Variants in PRIM2 observed in about 807,000 individuals in gnomAD.
The protein encoded by PRIM2 is DNA primase large subunit.
Under a neutral mutation model 67.3 loss-of-function variants are expected in PRIM2, and 39 were observed. The ratio of observed to expected loss-of-function variants is 0.58; its 90% CI spans 0.45 to 0.76. The LOEUF is 0.76. Ranked by LOEUF, PRIM2 falls within the 30% of genes least tolerant of loss-of-function variation. The probability of loss-of-function intolerance (pLI) is 0.00; values close to 1 mark genes in which losing one functional copy is unlikely to be tolerated. For synonymous variants in PRIM2, 143 were observed against 198.7 expected (o/e 0.72, Z 2.36); for missense variants, 398 against 598.7 (o/e 0.66, Z 3.50).
At chr6:57,274,983 C>T in the PRIM2 span, among the ~76,000 whole-genome samples, 1 of 145,894 alleles carries the variant, frequency 6.9e-6, no homozygotes, top group African/African-American at 2.6e-5. Context: ...GACGGGGTTT[C>T]ACCACGCTAG....
chr6:57,587,125 T>G (rs1369648165), intron 10 of PRIM2: 1 of 152,234 alleles, frequency 6.6e-6, no homozygotes, highest in Non-Finnish European at 1.5e-5. Context: ...TGTGGTCTTT[T>G]CTTGCCATTG....
intron 11 of PRIM2, among the ~76,000 whole-genome samples, chr6:57,604,003 T>G (rs1776518626): frequency 6.6e-6 from 1 of 152,312 alleles, no homozygotes; most frequent in Admixed American, 6.5e-5. Context: ...TGTTGGTATG[T>G]AGAAATGCTA....
chr6:57,388,703 TG>T (rs905577066), intron 7 of PRIM2, among the ~76,000 whole-genome samples: 8 of 152,174 alleles, frequency 5.3e-5, no homozygotes, highest in Non-Finnish European at 1.2e-4. Context: ...CCTAGAATTT[TG>T]GCTTGAATAA....
At chr6:57,252,355 T>A in the PRIM2 span, among the ~76,000 whole-genome samples, 10 of 152,336 alleles carry the variant, frequency 6.6e-5, no homozygotes, top group South Asian at 6.2e-4. Flanking sequence ...AACAAGCCTA[T>A]GAGATAGTTA....
the PRIM2 span, among the ~76,000 whole-genome samples, chr6:57,273,937 C>T: frequency 6.6e-6 from 1 of 152,188 alleles, no homozygotes; most frequent in African/African-American, 2.4e-5. Flanking sequence ...GGCTGCAGAA[C>T]AGCGGATATT....
At chr6:57,260,930 G>T in the PRIM2 span, among the ~76,000 whole-genome samples, 3 of 152,170 alleles carry the variant, frequency 2.0e-5, no homozygotes, top group African/African-American at 7.2e-5. Context: ...GGGTATGAAG[G>T]GCAAGCCAGG....
At chr6:57,341,880 T>G (rs1768504517) in intron 5 of PRIM2, among the ~76,000 whole-genome samples, 2 of 152,174 alleles carry the variant, frequency 1.3e-5, no homozygotes, top group South Asian at 2.1e-4. Context: ...GAAGCTGGAT[T>G]GTTGGCACAC....
intron 3 of PRIM2, among the ~76,000 whole-genome samples, chr6:57,322,893 G>A (rs1369099216): frequency 2.0e-5 from 3 of 152,144 alleles, no homozygotes; most frequent in African/African-American, 7.2e-5. Flanking sequence ...TGCTATAGTA[G>A]GGGTCTTGGG....
the PRIM2 span, among the ~76,000 whole-genome samples, chr6:57,302,799 G>A: frequency 6.6e-6 from 1 of 152,120 alleles, no homozygotes; most frequent in Non-Finnish European, 1.5e-5. Flanking sequence ...GACTGTTGAA[G>A]CAGAAAGTAA....
chr6:57,238,172 A>G, the PRIM2 span, among the ~76,000 whole-genome samples: 2 of 152,222 alleles, frequency 1.3e-5, no homozygotes, highest in Non-Finnish European at 2.9e-5. Context: ...AAAGTTAACA[A>G]GGATATCCAG....
the PRIM2 span, among the ~76,000 whole-genome samples, chr6:57,227,641 C>CAAAAAAAAAAAAAAAA: frequency 1.2e-5 from 1 of 84,080 alleles, no homozygotes; most frequent in Non-Finnish European, 2.3e-5. Flanking sequence ...GAGACCATCT[C>CAAAAAAAAAAAAAAAA]AAAAAAAAAA....
intron 12 of PRIM2, among the ~76,000 whole-genome samples, chr6:57,608,566 C>G (rs1776602607): frequency 6.6e-6 from 1 of 151,812 alleles, no homozygotes; most frequent in Non-Finnish European, 1.5e-5. Context: ...AAACCTGTCT[C>G]TACAAAAAAT....
chr6:57,384,024 T>G lies in PRIM2; in HGVS notation c.693+1856T>G, dbSNP rs541979182. ...GCTCATAAAAGTGAGAAGTCTAGAT[T>G]ATAGTATGGACTTCAGACATAGCTT... is the stretch of plus-strand genomic sequence containing the variant. On this transcript the variant is annotated intron_variant, in intron 7 of 13. Transcript: ENST00000615550. Among the ~76,000 whole-genome samples the G allele has an allele frequency of 2.9e-3, 440 of 152,308 alleles. 2 individuals are homozygous for G. The highest frequency in any genetic ancestry group is 0.01 in the African/African-American group (423 of 41,574).
chr6:57,601,657 C>T (rs1776469879), intron 11 of PRIM2, among the ~76,000 whole-genome samples: 3 of 152,126 alleles, frequency 2.0e-5, no homozygotes, highest in African/African-American at 7.2e-5. Context: ...TCACCATCAT[C>T]TGATTAACCA....
At chr6:57,341,679 A>G (rs1768496432) in intron 5 of PRIM2, among the ~76,000 whole-genome samples, 1 of 152,256 alleles carries the variant, frequency 6.6e-6, no homozygotes, top group Non-Finnish European at 1.5e-5. Context: ...GAAAACTGCT[A>G]TAGCTAGTCA....
chr6:57,442,611 G>A (rs1772235795), intron 7 of PRIM2, among the ~76,000 whole-genome samples: 1 of 151,730 alleles, frequency 6.6e-6, no homozygotes, highest in Admixed American at 6.6e-5. Context: ...GTATTTTTTT[G>A]GTTCTGTCAT....
At position 57,322,459 on chromosome 6, in the gene PRIM2, G is replaced by A. The variant is rs531919948; in HGVS notation, c.259-1742G>A. Among the ~76,000 whole-genome samples, 4 of 152,136 alleles carry A rather than the reference G, an allele frequency of 2.6e-5. No individual in the cohort carries two copies. In the South Asian group the frequency reaches 8.3e-4, roughly 32 times the overall value. On this transcript the variant is annotated intron_variant, in intron 3 of 13. Coordinates refer to ENST00000615550, the MANE Select transcript of PRIM2 (RefSeq NM_000947.5). ...CCCGGTGGGAGGTAATTGAATCATG[G>A]GGGTGGTTACCCCCATGCTGCTATT...
At chr6:57,623,852 C>A (rs1271534396) in intron 12 of PRIM2, among the ~76,000 whole-genome samples, 5 of 151,988 alleles carry the variant, frequency 3.3e-5, no homozygotes, top group African/African-American at 7.2e-5. Context: ...GTTTCTATCT[C>A]TGAATTTATA....
At position 57,641,563 on chromosome 6, in the gene PRIM2, T is replaced by C. The variant is rs1449614998; in HGVS notation, c.1300-4365T>C. ...AGAAACAAACAATCCCATCAAAAAG[T>C]GGGCCTAGGATATGAACAGACACTT... On this transcript the variant is annotated intron_variant, in intron 13 of 13. Transcript: ENST00000615550. Among the ~76,000 whole-genome samples, 3 of 152,120 alleles carry C rather than the reference T, an allele frequency of 2.0e-5. No individual in the cohort carries two copies. In the East Asian group the frequency reaches 5.8e-4, roughly 29 times the overall value.
Sources: allele counts gnomAD v4.1 joint callset (sites outside exome capture counted in the v4.1 genomes callset), GRCh38; gene constraint gnomAD v4.1.1; transcripts MANE v1.5; gene names NCBI Gene and HGNC (gene_info 2026-07-23, HGNC 2026-07-21).